TMEM123: variants seen among roughly 807,000 people sequenced by gnomAD.
The protein encoded by TMEM123 is porimin.
Under a neutral mutation model 19.7 loss-of-function variants are expected in TMEM123, and 16 were observed. That is an observed-to-expected ratio of 0.81 (90% CI 0.55 to 1.23). The LOEUF is 1.23. Ranked by LOEUF, TMEM123 falls within the 50% of genes most tolerant of loss-of-function variation. TMEM123 has a pLI of 0.00. For synonymous variants in TMEM123, 118 were observed against 99.4 expected, an observed-to-expected ratio of 1.19 and a Z score of -1.12; for missense variants, 313 against 257.8, an observed-to-expected ratio of 1.21 and a Z score of -1.47.
At chr11:102,445,626 C>T (rs767024334) in intron 2 of TMEM123, among the ~76,000 whole-genome samples, 5 of 152,144 alleles carry the variant, frequency 3.3e-5, no homozygotes, top group South Asian at 2.1e-4. Context: ...TTGTTGCAAT[C>T]GGGGGTAAAA....
intron 4 of TMEM123, 68 bp downstream of exon 4, chr11:102,401,471 T>A: frequency 7.2e-7 from 1 of 1,394,900 alleles, no homozygotes; most frequent in East Asian, 2.4e-5. Context: ...ACTGGCTTGA[T>A]ATTCTATCAT....
intron 2 of TMEM123, 131 bp downstream of exon 2, chr11:102,448,681 T>C (rs1409308650): frequency 3.9e-6 from 3 of 773,772 alleles, no homozygotes; most frequent in Non-Finnish European, 6.6e-6. Flanking sequence ...GGCAGGTTAT[T>C]GGGATTCATG....
intron 2 of TMEM123, among the ~76,000 whole-genome samples, chr11:102,425,507 T>C (rs1952118515): frequency 6.6e-6 from 1 of 151,634 alleles, no homozygotes; most frequent in Admixed American, 6.6e-5. Flanking sequence ...CGTTTGTCCA[T>C]CTATCAATGC....
At chr11:102,412,507 A>T (rs1952013835) in intron 2 of TMEM123, among the ~76,000 whole-genome samples, 1 of 152,232 alleles carries the variant, frequency 6.6e-6, no homozygotes, top group Admixed American at 6.5e-5. Flanking sequence ...TATAAGTAAT[A>T]CAACTTAAAT....
At chr11:102,411,707 G>A (rs1807888107) in intron 2 of TMEM123, among the ~76,000 whole-genome samples, 1 of 151,962 alleles carries the variant, frequency 6.6e-6, no homozygotes, top group Admixed American at 6.6e-5. Context: ...CACACATCTG[G>A]TGTCGGAAGT....
chr11:102,403,398 AG>A (rs1299205382), intron 2 of TMEM123, among the ~76,000 whole-genome samples: 1 of 152,248 alleles, frequency 6.6e-6, no homozygotes, highest in African/African-American at 2.4e-5. Context: ...TATAACCAGA[AG>A]CAAACCTTTC....
At position 102,402,086 on chromosome 11, in the gene TMEM123, G is replaced by T. The variant is rs370462612; in HGVS notation, c.278C>A (p.Ala93Glu). 67 of 1,614,116 alleles carry T rather than the reference G, an allele frequency of 4.2e-5. No individual in the cohort carries two copies. Among genetic ancestry groups the T allele is most frequent in the Non-Finnish European group, 5.4e-5 (64 of 1,179,992 alleles). Residue 93 changes from alanine (A) to glutamate (E), a missense_variant, in exon 3 of 5, where the codon GCG (alanine) becomes GAG (glutamate). Ala to Glu is a moderately radical substitution (Grantham distance 107, BLOSUM62 -1). Coordinates refer to ENST00000398136, the MANE Select transcript of TMEM123 (RefSeq NM_052932.3). The stretch of plus-strand genomic sequence containing the variant: ...CCCTGGTGTTGTTGTATTAGATGCC[G>T]CTGTAGGTTTCATGGTGGTGACCGT... ...NTTVTTMKPT[A>E]ASNTTTPGMV...
intron 2 of TMEM123, among the ~76,000 whole-genome samples, chr11:102,438,796 T>C (rs1457949296): frequency 2.0e-5 from 3 of 152,178 alleles, no homozygotes; most frequent in Admixed American, 1.3e-4. Context: ...GGGCACTGCA[T>C]CACCCGGGAA....
At position 102,398,387 on chromosome 11, in the gene TMEM123, G is replaced by A; in HGVS notation, c.*480C>T. ...TTTCTTAAATTATGCTTCAGATCTAGTTTGATTGTATAATTTCTGTGTGGC... is the reference window on the plus strand; with the variant it reads ...TTTCTTAAATTATGCTTCAGATCTAATTTGATTGTATAATTTCTGTGTGGC... On this transcript the variant is annotated 3_prime_UTR_variant, in exon 5 of 5. Coordinates refer to ENST00000398136, the MANE Select transcript of TMEM123 (RefSeq NM_052932.3). 1 of 394,538 alleles carries A rather than the reference G, an allele frequency of 2.5e-6. No individual in the cohort carries two copies. The allele number at this position is 394,538 out of a possible 1,614,324, so 24.4% of individuals were successfully genotyped here.
intron 2 of TMEM123, among the ~76,000 whole-genome samples, chr11:102,415,488 C>A (rs1402939097): frequency 6.6e-6 from 1 of 152,186 alleles, no homozygotes; most frequent in Non-Finnish European, 1.5e-5. Context: ...ATCATACCAA[C>A]CACACCCTCA....
intron 2 of TMEM123, among the ~76,000 whole-genome samples, chr11:102,433,294 C>T (rs1327101875): frequency 1.3e-5 from 2 of 152,020 alleles, no homozygotes; most frequent in Non-Finnish European, 2.9e-5. Context: ...TGCTCAAGGA[C>T]ATGGGAGCCC....
rs377681260 is a variant in TMEM123, at chr11:102,400,321, T to G, written c.602+1218A>C. ...TCAACAAGTATTTTGGTTAAAAATTTGGGAAACAGTTCATACTGTATTCCA... is the reference window on the plus strand; with the variant it reads ...TCAACAAGTATTTTGGTTAAAAATTGGGGAAACAGTTCATACTGTATTCCA... On this transcript the variant is annotated intron_variant, in intron 4 of 4. Coordinates refer to ENST00000398136, the MANE Select transcript of TMEM123 (RefSeq NM_052932.3). Among the ~76,000 whole-genome samples, 14 of 152,360 alleles carry G rather than the reference T, an allele frequency of 9.2e-5. No individual in the cohort carries two copies. In the South Asian group the frequency reaches 2.5e-3, roughly 27 times the overall value.
At position 102,433,319 on chromosome 11, in the gene TMEM123, C is replaced by T. The variant is rs1347170022; in HGVS notation, c.157+15493G>A. On this transcript the variant is annotated intron_variant, in intron 2 of 4. Coordinates refer to ENST00000398136, the MANE Select transcript of TMEM123 (RefSeq NM_052932.3). ...CATGGGAGCCCACCTCTTGCATCAG[C>T]ACGATCTGGATATGAGACAGAGTCA... 3.9e-5 allele frequency among the ~76,000 whole-genome samples: 6 copies of T among 151,964 alleles called. 1 individual carries two copies. The highest frequency in any genetic ancestry group is 8.8e-5 in the Non-Finnish European group (6 of 67,912).
chr11:102,445,374 T>A lies in TMEM123; in HGVS notation c.157+3438A>T, dbSNP rs114415378. On this transcript the variant is annotated intron_variant, in intron 2 of 4. Coordinates refer to ENST00000398136, the MANE Select transcript of TMEM123 (RefSeq NM_052932.3). ...ATCACTGTTTGTATCTATCAACATTTGCATCTATCAGTGAATCAATCAATC... is the reference window on the plus strand; with the variant it reads ...ATCACTGTTTGTATCTATCAACATTAGCATCTATCAGTGAATCAATCAATC... Among the ~76,000 whole-genome samples, 976 of 152,372 alleles carry A rather than the reference T, an allele frequency of 6.4e-3. 16 individuals are homozygous for A. Among genetic ancestry groups the A allele is most frequent in the African/African-American group, 0.022 (923 of 41,590 alleles).
intron 2 of TMEM123, among the ~76,000 whole-genome samples, chr11:102,404,398 C>T (rs188195661): frequency 1.3e-5 from 2 of 151,938 alleles, no homozygotes; most frequent in Non-Finnish European, 2.9e-5. Flanking sequence ...ATTCTCGTGC[C>T]TCAGCCTACT....
intron 2 of TMEM123, among the ~76,000 whole-genome samples, chr11:102,441,854 AATG>A (rs998444513): frequency 6.6e-6 from 1 of 152,218 alleles, no homozygotes; most frequent in African/African-American, 2.4e-5. Context: ...CGCAATAAAA[AATG>A]ATGAAGGGGA....
chr11:102,448,892 G>T (rs749322422), intron 1 of TMEM123, 24 bp from the exon 2 acceptor site: 6 of 1,610,960 alleles, frequency 3.7e-6, no homozygotes, highest in Non-Finnish European at 5.1e-6. Context: ...GAAATATCCT[G>T]TTATGAAAGA....
intron 2 of TMEM123, among the ~76,000 whole-genome samples, chr11:102,423,197 T>C (rs940253873): frequency 1.1e-4 from 16 of 152,240 alleles, no homozygotes; most frequent in African/African-American, 3.9e-4. Flanking sequence ...ATGAATGAGA[T>C]ACAGCTATAC....
chr11:102,450,117 T>C (rs562347202), intron 1 of TMEM123, among the ~76,000 whole-genome samples: 6 of 152,286 alleles, frequency 3.9e-5, no homozygotes, highest in South Asian at 2.1e-4. Flanking sequence ...CAACCCCCCA[T>C]AGATCTAGAA....
Sources: allele counts gnomAD v4.1 joint callset (sites outside exome capture counted in the v4.1 genomes callset), GRCh38; gene constraint gnomAD v4.1.1; transcripts MANE v1.5; gene names NCBI Gene and HGNC (gene_info 2026-07-23, HGNC 2026-07-21).